Variants in CUL3 observed in about 807,000 individuals in gnomAD.
The protein encoded by CUL3 is cullin-3.
A neutral mutation model predicts 89.1 loss-of-function variants in CUL3; 19 were observed. The observed-to-expected ratio is 0.21, with a 90% CI of 0.15 to 0.31. CUL3 has a LOEUF of 0.31. Among genes scored for constraint, CUL3 ranks in the 10% least tolerant of loss-of-function variants. CUL3 has a pLI of 1.00. For missense variants in CUL3, 469 were observed against 942.3 expected, an observed-to-expected ratio of 0.50 and a Z score of 6.58; for synonymous variants, 351 against 308.4, an observed-to-expected ratio of 1.14 and a Z score of -1.45.
At chr2:224,576,695 G>C (rs576237150) in intron 1 of CUL3, among the ~76,000 whole-genome samples, 6 of 147,440 alleles carry the variant, frequency 4.1e-5, no homozygotes, top group Middle Eastern at 3.4e-3. Flanking sequence ...AAAGGGGGGG[G>C]GGGGAGGAGA....
At chr2:224,563,373 T>C (rs1290225155) in intron 1 of CUL3, 2 of 424,864 alleles carry the variant, frequency 4.7e-6, no homozygotes, top group African/African-American at 2.1e-5. Context: ...TATCCGTACA[T>C]GCAGGGTTCT....
chr2:224,557,767 A>C lies in CUL3; in HGVS notation c.156T>G (p.Leu52=), dbSNP rs1694759727. 1 of 1,610,534 alleles carries C rather than the reference A, an allele frequency of 6.2e-7. No individual in the cohort carries two copies. Among genetic ancestry groups the C allele is most frequent in the Admixed American group, 1.7e-5 (1 of 59,872 alleles). Reference sequence around the variant, plus strand: ...CATTTCTATAGAGCTCCTCAAAACTAAGACCACTGTTATTCTTACGCTGGA... The same window carrying C: ...CATTTCTATAGAGCTCCTCAAAACTCAGACCACTGTTATTCTTACGCTGGA... ...QEIQRKNNSG[L]SFEELYRNAY... Residue 52 remains leucine, a synonymous_variant, in exon 2 of 16, where the codon CTT becomes CTG. Coordinates refer to ENST00000264414, the MANE Select transcript of CUL3 (RefSeq NM_003590.5).
intron 3 of CUL3, among the ~76,000 whole-genome samples, chr2:224,519,639 A>T (rs1437938167): frequency 6.6e-6 from 1 of 152,216 alleles, no homozygotes. Context: ...TAGTAATACT[A>T]AATAATCATT....
chr2:224,471,442 C>G lies in CUL3; in HGVS notation c.*2803G>C, dbSNP rs1691126721. On this transcript the variant is annotated 3_prime_UTR_variant, in exon 16 of 16. Transcript: ENST00000264414. Reference sequence around the variant, plus strand: ...TGTACTAGTCTTCTAGAGATGTAGGCATAATCTTAAAACTGGTTCTAGGCC... The same window carrying G: ...TGTACTAGTCTTCTAGAGATGTAGGGATAATCTTAAAACTGGTTCTAGGCC... The G allele has an allele frequency of 5.1e-6, 1 of 197,022 alleles. No individual in the cohort carries two copies. Among genetic ancestry groups the G allele is most frequent in the Non-Finnish European group, 1.1e-5 (1 of 95,210 alleles). 12.2% of individuals were successfully genotyped at this position (197,022 alleles called of 1,614,324 possible).
chr2:224,556,659 G>A (rs1013880766), intron 2 of CUL3, among the ~76,000 whole-genome samples: 1 of 152,116 alleles, frequency 6.6e-6, no homozygotes, highest in Non-Finnish European at 1.5e-5. Flanking sequence ...AATAAGGAAT[G>A]TATTAGGCAA....
intron 1 of CUL3, chr2:224,569,799 T>C: frequency 1.8e-6 from 2 of 1,131,570 alleles, no homozygotes; most frequent in Non-Finnish European, 2.2e-6. Flanking sequence ...ACAAGAAGTC[T>C]TTAGTCCTCT....
At chr2:224,578,670 T>C (rs1421127714) in intron 1 of CUL3, among the ~76,000 whole-genome samples, 2 of 152,148 alleles carry the variant, frequency 1.3e-5, no homozygotes, top group African/African-American at 2.4e-5. Context: ...TTACTAGTAA[T>C]ACCTTTACAT....
At chr2:224,476,478 A>G (rs1386957217) in intron 15 of CUL3, among the ~76,000 whole-genome samples, 1 of 152,076 alleles carries the variant, frequency 6.6e-6, no homozygotes, top group Admixed American at 6.5e-5. Flanking sequence ...ATTTCTGACA[A>G]TCCCCTTAAA....
At chr2:224,538,790 T>TAG (rs1370736910) in intron 2 of CUL3, among the ~76,000 whole-genome samples, 11 of 152,208 alleles carry the variant, frequency 7.2e-5, no homozygotes, top group Non-Finnish European at 8.8e-5. Context: ...TGCCTGGTAC[T>TAG]AGCTTTGCAA....
chr2:224,508,668 A>G (rs1692694610), intron 6 of CUL3, among the ~76,000 whole-genome samples: 2 of 152,284 alleles, frequency 1.3e-5, no homozygotes, highest in East Asian at 3.9e-4. Flanking sequence ...TAATAAAATA[A>G]TAAGATACTG....
chr2:224,474,159 T>C lies in CUL3; in HGVS notation c.*86A>G. On this transcript the variant is annotated 3_prime_UTR_variant, in exon 16 of 16. Transcript: ENST00000264414. ...TACTGTAATTTAATAGAAGAGATGG[T>C]CGTCTTAATATTTAATGATTTAAAA... is the stretch of plus-strand genomic sequence containing the variant. 2 of 1,341,030 alleles carry C rather than the reference T, an allele frequency of 1.5e-6. No homozygotes were observed. The highest frequency in any genetic ancestry group is 1.5e-5 in the African/African-American group (1 of 68,364). The allele number at this position is 1,341,030 out of a possible 1,614,324, so 83.1% of individuals were successfully genotyped here.
At chr2:224,584,012 G>A (rs1012273047) in intron 1 of CUL3, among the ~76,000 whole-genome samples, 8 of 152,224 alleles carry the variant, frequency 5.3e-5, no homozygotes, top group Admixed American at 3.3e-4. Flanking sequence ...ACATAGGCAA[G>A]TATGCCCAGT....
chr2:224,577,971 A>T lies in CUL3; in HGVS notation c.66+6973T>A, dbSNP rs35632843. Among the ~76,000 whole-genome samples the T allele has an allele frequency of 2.6e-5, 4 of 152,052 alleles. No individual in the cohort carries two copies. The South Asian group carries it at 8.3e-4, about 31-fold the overall frequency. ...GAAGAATACCTTAAGCAAATTATTT[A>T]GCCTCTCAAAGCCTCATTTGTAGAA... is the stretch of plus-strand genomic sequence containing the variant. On this transcript the variant is annotated intron_variant, in intron 1 of 15. Coordinates refer to ENST00000264414, the MANE Select transcript of CUL3 (RefSeq NM_003590.5).
chr2:224,573,002 C>A (rs1309103158), intron 1 of CUL3, among the ~76,000 whole-genome samples: 2 of 152,072 alleles, frequency 1.3e-5, no homozygotes, highest in Non-Finnish European at 2.9e-5. Flanking sequence ...CACTTTTAGC[C>A]CTCAAAAATT....
intron 1 of CUL3, among the ~76,000 whole-genome samples, chr2:224,576,675 G>A (rs1405318864): frequency 1.2e-5 from 1 of 85,694 alleles, no homozygotes; most frequent in African/African-American, 5.7e-5. Flanking sequence ...CCTAGTTCAG[G>A]AGTGAAAAAA....
At chr2:224,531,435 T>TAA (rs56899563) in intron 3 of CUL3, among the ~76,000 whole-genome samples, 272 of 148,192 alleles carry the variant, frequency 1.8e-3, no homozygotes, top group Middle Eastern at 0.017. Context: ...GTAGTTTATT[T>TAA]AAAAAAAAAA....
intron 2 of CUL3, among the ~76,000 whole-genome samples, chr2:224,546,039 T>C (rs888174433): frequency 1.3e-4 from 20 of 152,180 alleles, no homozygotes; most frequent in Non-Finnish European, 2.6e-4. Flanking sequence ...TGAAAAATGA[T>C]AGCTTTTTAC....
chr2:224,536,002 C>T (rs1048668114), intron 2 of CUL3, among the ~76,000 whole-genome samples: 1 of 152,190 alleles, frequency 6.6e-6, no homozygotes, highest in Non-Finnish European at 1.5e-5. Flanking sequence ...ACCTTCCCTT[C>T]CCCAACTTTG....
At chr2:224,477,015 G>A (rs1305895542) in intron 15 of CUL3, among the ~76,000 whole-genome samples, 1 of 152,202 alleles carries the variant, frequency 6.6e-6, no homozygotes, top group African/African-American at 2.4e-5. Flanking sequence ...GTCTGAGAAA[G>A]TTAACCTGTC....
Sources: gnomAD v4.1 joint callset for allele counts (sites outside exome capture counted in the v4.1 genomes callset) on GRCh38, gnomAD v4.1.1 for gene constraint, MANE v1.5 for transcripts, NCBI Gene and HGNC (gene_info 2026-07-23, HGNC 2026-07-21) for gene names.